The following GRB10 variants were observed in gnomAD, a reference collection of about 807,000 sequenced individuals.
The protein encoded by GRB10 is growth factor receptor-bound protein 10.
Under a neutral mutation model 80.9 loss-of-function variants are expected in GRB10, and 20 were observed. The ratio of observed to expected loss-of-function variants is 0.25; its 90% confidence interval spans 0.17 to 0.36. The LOEUF is 0.36. GRB10 is among the 10% of genes least tolerant of loss of function. GRB10 has a pLI of 1.00. For missense variants in GRB10, 548 were observed against 747.7 expected (o/e 0.73, Z 3.12); for synonymous variants, 291 against 291.5 (o/e 1.00, Z 0.02).
At chr7:50,737,760 A>T (rs1002494532) in intron 3 of GRB10, among the ~76,000 whole-genome samples, 3 of 152,226 alleles carry the variant, frequency 2.0e-5, no homozygotes, top group African/African-American at 4.8e-5. Context: ...GAAGCAGGAG[A>T]ATTGCTTGAA....
At chr7:50,643,405 A>G (rs577760756) in intron 7 of GRB10, among the ~76,000 whole-genome samples, 16 of 152,350 alleles carry the variant, frequency 1.1e-4, no homozygotes, top group African/African-American at 3.8e-4. Flanking sequence ...GAAACACCAC[A>G]CAAACCAAAA....
chr7:50,768,862 T>C (rs1180514649), intron 2 of GRB10, among the ~76,000 whole-genome samples: 1 of 152,256 alleles, frequency 6.6e-6, no homozygotes, highest in Non-Finnish European at 1.5e-5. Context: ...ACTTTAGTTC[T>C]AGCTATTCTC....
intron 4 of GRB10, among the ~76,000 whole-genome samples, chr7:50,728,459 T>C (rs1373907801): frequency 2.0e-5 from 3 of 152,130 alleles, no homozygotes; most frequent in Non-Finnish European, 4.4e-5. Flanking sequence ...AAGTCTCATC[T>C]GAGGACTGTT....
chr7:50,593,989 T>A (rs1301630936), intron 18 of GRB10, among the ~76,000 whole-genome samples: 1 of 152,174 alleles, frequency 6.6e-6, no homozygotes, highest in Non-Finnish European at 1.5e-5. Flanking sequence ...TTTCTTTTTT[T>A]TTTTTAATTT....
At chr7:50,783,347 G>A (rs1031813073), upstream of GRB10, among the ~76,000 whole-genome samples, 1 of 152,044 alleles carries the variant, frequency 6.6e-6, no homozygotes, top group Non-Finnish European at 1.5e-5. Flanking sequence ...TTTAAACTGA[G>A]AGTCAGCGAG....
Position 50,592,780 on chromosome 7 carries a change from T to G in GRB10, c.*172A>C. 1.3e-6 allele frequency: 1 copy of G among 752,930 alleles called. No homozygotes were observed. The allele number at this position is 752,930 out of a possible 1,614,324, so 46.6% of individuals were successfully genotyped here. A position where few individuals can be genotyped will look rare whatever the true frequency, so the allele number is the denominator to read the frequency against. On this transcript the variant is annotated 3_prime_UTR_variant, in exon 19 of 19. Coordinates refer to ENST00000401949, the MANE Select transcript of GRB10 (RefSeq NM_001350814.2). ...ACCCTGCTGGGTTCACAGCAGCAAA[T>G]CGTCGTTTAAGTCCAACAAACTAGT...
At position 50,592,629 on chromosome 7, in the gene GRB10, T is replaced by C. The variant is rs999788729; in HGVS notation, c.*323A>G. Reference sequence around the variant, plus strand: ...AGATTATTCCAGGGCAAGAGTTCATTTCCAATCACTTCTCTCCGGTTCTTG... The same window carrying C: ...AGATTATTCCAGGGCAAGAGTTCATCTCCAATCACTTCTCTCCGGTTCTTG... On this transcript the variant is annotated 3_prime_UTR_variant, in exon 19 of 19. Coordinates refer to ENST00000401949, the MANE Select transcript of GRB10 (RefSeq NM_001350814.2). 5 of 412,006 alleles carry C rather than the reference T, an allele frequency of 1.2e-5. No homozygotes were observed. The highest frequency in any genetic ancestry group is 1.0e-4 in the African/African-American group (5 of 49,836). The allele number at this position is 412,006 out of a possible 1,614,324, so 25.5% of individuals were successfully genotyped here.
intron 7 of GRB10, among the ~76,000 whole-genome samples, chr7:50,650,647 G>A (rs2057893939): frequency 6.6e-6 from 1 of 152,206 alleles, no homozygotes; most frequent in African/African-American, 2.4e-5. Flanking sequence ...TGTTTGGGTG[G>A]GAAGACAGGC....
chr7:50,768,696 A>G (rs2076641469), intron 2 of GRB10, among the ~76,000 whole-genome samples: 1 of 152,188 alleles, frequency 6.6e-6, no homozygotes, highest in Non-Finnish European at 1.5e-5. Context: ...GATGATCTCA[A>G]CAGAAGCAGC....
intron 5 of GRB10, among the ~76,000 whole-genome samples, chr7:50,682,359 C>T (rs2715134): frequency 0.87 from 132,769 of 152,232 alleles, 57,961 homozygotes; most frequent in East Asian, 0.96. Context: ...CCTCTGCTGA[C>T]GTTTTCCCCA....
rs932654485 is a variant in GRB10, at chr7:50,756,082, G to A, written c.-216-26C>T. The A allele has an allele frequency of 2.3e-5, 9 of 398,614 alleles. 1 individual carries two copies. The Middle Eastern group carries it at 1.9e-3, about 84-fold the overall frequency. 24.7% of individuals were successfully genotyped at this position (398,614 alleles called of 1,614,324 possible). A position where few individuals can be genotyped will look rare whatever the true frequency, so the allele number is the denominator to read the frequency against. On this transcript the variant is annotated intron_variant, in intron 2 of 18. Coordinates refer to ENST00000401949, the MANE Select transcript of GRB10 (RefSeq NM_001350814.2). ...CTGGAAAGTCAAACGGGCCATCACTGAACTTCCGTAGAATTTATACAAATG... is the reference window on the plus strand; with the variant it reads ...CTGGAAAGTCAAACGGGCCATCACTAAACTTCCGTAGAATTTATACAAATG...
At chr7:50,601,988 C>A (rs558728003) in intron 17 of GRB10, among the ~76,000 whole-genome samples, 1 of 152,114 alleles carries the variant, frequency 6.6e-6, no homozygotes, top group East Asian at 1.9e-4. Context: ...AAGTGAGCGT[C>A]GAGAAGAGGT....
chr7:50,724,519 T>G (rs1587511601), intron 4 of GRB10, among the ~76,000 whole-genome samples: 1 of 152,206 alleles, frequency 6.6e-6, no homozygotes, highest in East Asian at 1.9e-4. Context: ...TTCAAAAAAG[T>G]CAACATTGTG....
chr7:50,780,617 G>A lies in GRB10; in HGVS notation c.-217+10C>T, dbSNP rs919319255. 6.6e-6 allele frequency: 1 copy of A among 152,130 alleles called. No individual in the cohort carries two copies. Among genetic ancestry groups the A allele is most frequent in the Non-Finnish European group, 1.5e-5 (1 of 68,040 alleles). The allele number at this position is 152,130 out of a possible 1,614,324, so 9.4% of individuals were successfully genotyped here. On this transcript the variant is annotated intron_variant, in intron 2 of 18. Coordinates refer to ENST00000401949, the MANE Select transcript of GRB10 (RefSeq NM_001350814.2). ...TTCGTAGCTCAGAGCTGGGGCCTGG[G>A]GATACATACCGAGAGGCAGTCAGCT...
rs534040853 is a variant in GRB10 at position 50,737,888 on chromosome 7, G to A, written c.-46-5520C>T. 5.9e-5 allele frequency among the ~76,000 whole-genome samples: 9 copies of A among 152,152 alleles called. No individual in the cohort carries two copies. The East Asian group carries it at 9.7e-4, about 16-fold the overall frequency. On this transcript the variant is annotated intron_variant, in intron 3 of 18. Transcript: ENST00000401949. ...AAACAAAGAAACAAAAAAAACAGACGAATGCAATAAAGAATGCCTACAACT... is the reference window on the plus strand; with the variant it reads ...AAACAAAGAAACAAAAAAAACAGACAAATGCAATAAAGAATGCCTACAACT...
At chr7:50,616,181 G>A (rs374440919) in intron 11 of GRB10, 29 bp downstream of exon 11, 515 of 1,614,080 alleles carry the variant, frequency 3.2e-4, no homozygotes, top group Non-Finnish European at 3.9e-4. Context: ...GCAGAATTAG[G>A]GCTGGTGGTG....
intron 2 of GRB10, among the ~76,000 whole-genome samples, chr7:50,775,261 A>G (rs1483760347): frequency 1.3e-5 from 2 of 152,056 alleles, no homozygotes; most frequent in African/African-American, 4.8e-5. Flanking sequence ...ACATTTCCCA[A>G]CCAAATCCAA....
intron 5 of GRB10, among the ~76,000 whole-genome samples, chr7:50,702,198 T>C (rs1267643085): frequency 6.6e-6 from 1 of 152,220 alleles, no homozygotes; most frequent in Non-Finnish European, 1.5e-5. Context: ...TGCCTGGCCA[T>C]GAGTTCACAT....
At position 50,591,497 on chromosome 7, in the gene GRB10, G is replaced by A. The variant is rs1392362117; in HGVS notation, c.*1455C>T. Reference sequence around the variant, plus strand: ...ATTCTGCTCACCACAGTAGTTTGTCGCCTGTCAAAGGAGTCCTTTCTGCTT... The same window carrying A: ...ATTCTGCTCACCACAGTAGTTTGTCACCTGTCAAAGGAGTCCTTTCTGCTT... On this transcript the variant is annotated 3_prime_UTR_variant, in exon 19 of 19. Coordinates refer to ENST00000401949, the MANE Select transcript of GRB10 (RefSeq NM_001350814.2). 6.6e-6 allele frequency: 1 copy of A among 152,104 alleles called. No individual in the cohort carries two copies. Among genetic ancestry groups the A allele is most frequent in the African/African-American group, 2.4e-5 (1 of 41,282 alleles). 9.4% of individuals were successfully genotyped at this position (152,104 alleles called of 1,614,324 possible).
Sources: gnomAD v4.1 joint callset for allele counts (sites outside exome capture counted in the v4.1 genomes callset) on GRCh38, gnomAD v4.1.1 for gene constraint, MANE v1.5 for transcripts, NCBI Gene and HGNC (gene_info 2026-07-23, HGNC 2026-07-21) for gene names.